ARAP1: variants seen among roughly 807,000 people sequenced by gnomAD.
ARAP1 encodes arf-GAP with Rho-GAP domain, ANK repeat and PH domain-containing protein 1.
Under a neutral mutation model 172.2 loss-of-function variants are expected in ARAP1, and 76 were observed. That is an observed-to-expected ratio of 0.44 (90% CI 0.37 to 0.53). The LOEUF is 0.53. Among genes scored for constraint, ARAP1 ranks in the 20% least tolerant of loss-of-function variants. ARAP1 has a pLI of 0.00. For synonymous variants in ARAP1, 804 were observed against 803.3 expected (o/e 1.00, Z -0.01); for missense variants, 1,686 against 1,977.5 (o/e 0.85, Z 2.80).
intron 11 of ARAP1, chr11:72,708,057 T>G (rs1856846213): frequency 6.6e-6 from 1 of 151,834 alleles, no homozygotes; most frequent in African/African-American, 2.4e-5. Flanking sequence ...AGGCCCTGGT[T>G]GAACAATAAA....
chr11:72,691,752 C>G (rs1296193996), intron 30 of ARAP1, among the ~76,000 whole-genome samples: 1 of 152,168 alleles, frequency 6.6e-6, no homozygotes, highest in Non-Finnish European at 1.5e-5. Context: ...GACCACCAGG[C>G]TTGGAACCAT....
intron 8 of ARAP1, 102 bp from the exon 9 acceptor site, chr11:72,711,243 A>G: frequency 6.5e-7 from 1 of 1,547,602 alleles, no homozygotes; most frequent in Non-Finnish European, 8.8e-7. Context: ...GCAGCTGGTT[A>G]GAGACAAGAC....
intron 30 of ARAP1, among the ~76,000 whole-genome samples, chr11:72,692,065 C>G (rs1387610359): frequency 6.6e-6 from 1 of 152,150 alleles, no homozygotes; most frequent in Non-Finnish European, 1.5e-5. Context: ...GGCCCTGTTC[C>G]CAACAGTTGG....
intron 12 of ARAP1, 79 bp from the exon 13 acceptor site, chr11:72,705,969 G>A: frequency 8.3e-6 from 12 of 1,451,296 alleles, no homozygotes; most frequent in Admixed American, 3.6e-5. Flanking sequence ...GTGTCTACTG[G>A]GACAGGCAGG....
chr11:72,712,378 G>A (rs759647983), intron 6 of ARAP1, 39 bp from the exon 7 acceptor site: 22 of 1,541,514 alleles, frequency 1.4e-5, no homozygotes, highest in Non-Finnish European at 1.9e-5. Flanking sequence ...GGGCTGAGGA[G>A]GCAAGGAGGG....
intron 1 of ARAP1, among the ~76,000 whole-genome samples, chr11:72,734,360 A>G (rs1466396078): frequency 1.3e-5 from 2 of 152,136 alleles, no homozygotes; most frequent in Admixed American, 6.5e-5. Context: ...GCCTCAAGCA[A>G]TCCTCCCACT....
In ARAP1 at chr11:72,693,541, A is replaced by C; in HGVS notation, c.3809-71T>G. On this transcript the variant is annotated intron_variant, in intron 28 of 34. Coordinates refer to ENST00000393609, the MANE Select transcript of ARAP1 (RefSeq NM_001040118.3). This position sits in a 1 kb window ranked among gnomAD's most constrained non-coding sequence, Gnocchi z 4.6. ...CCGGGGCTGGGTCCCAGGATGAAGG[A>C]AGCTGCCCCATCCTGCCCCAGCCTC... 6.4e-7 allele frequency: 1 copy of C among 1,567,292 alleles called. No homozygotes were observed.
intron 2 of ARAP1, among the ~76,000 whole-genome samples, chr11:72,731,014 C>A (rs2135577189): frequency 6.6e-6 from 1 of 152,268 alleles, no homozygotes; most frequent in South Asian, 2.1e-4. Flanking sequence ...GTAACATTCT[C>A]TCTCTGTGAA....
At chr11:72,722,056 T>C (rs1310337313) in intron 3 of ARAP1, 24 of 985,486 alleles carry the variant, frequency 2.4e-5, no homozygotes, top group Non-Finnish European at 2.9e-5. Context: ...GCTTTGCACC[T>C]GTGATTTATG....
chr11:72,742,716 G>A (rs1295699145), intron 1 of ARAP1, among the ~76,000 whole-genome samples: 2 of 152,178 alleles, frequency 1.3e-5, no homozygotes, highest in South Asian at 2.1e-4. Flanking sequence ...TGGGATTTGG[G>A]AATTCAACTA....
At position 72,710,995 on chromosome 11, in the gene ARAP1, C is replaced by G. The variant is rs377398968; in HGVS notation, c.1213+26G>C. 2 of 1,613,982 alleles carry G rather than the reference C, an allele frequency of 1.2e-6. No homozygotes were observed. The highest frequency in any genetic ancestry group is 1.7e-6 in the Non-Finnish European group (2 of 1,179,874). On this transcript the variant is annotated intron_variant, in intron 9 of 34. Coordinates refer to ENST00000393609, the MANE Select transcript of ARAP1 (RefSeq NM_001040118.3). The surrounding 1 kb of genome is among the most constrained non-coding windows in gnomAD (Gnocchi z 4.3). The stretch of plus-strand genomic sequence containing the variant: ...AGTCTTCTCTACCCTCTTCTACACA[C>G]ACACACAACACCCCACACTCCCCAC...
At position 72,696,585 on chromosome 11, in the gene ARAP1, C is replaced by T. The variant is rs186025175; in HGVS notation, c.3236G>A (p.Arg1079Gln). The T allele has an allele frequency of 1.2e-5, 19 of 1,602,712 alleles. No individual in the cohort carries two copies. The highest frequency in any genetic ancestry group is 1.7e-4 in the Middle Eastern group (1 of 6,024). The change falls in exon 23 of 35, where the codon CGG becomes CAG. Residue 1079 changes from arginine (R) to glutamine (Q), a missense_variant. Arg to Gln is a conservative substitution (Grantham distance 43). Coordinates refer to ENST00000393609, the MANE Select transcript of ARAP1 (RefSeq NM_001040118.3). The stretch of plus-strand genomic sequence containing the variant: ...GCTGATAAGGGCCTTCACTGTGGCC[C>T]GGTTGACAGGGGGCAGCCGCACCAG... ...ELLVRLPPVN[R>Q]ATVKALISHL...
chr11:72,698,968 A>T (rs1476798758), intron 18 of ARAP1, 37 bp downstream of exon 18: 1 of 1,606,936 alleles, frequency 6.2e-7, no homozygotes, highest in South Asian at 1.1e-5. Context: ...TTCCCCAGTC[A>T]GACACCCTTA....
intron 1 of ARAP1, 91 bp downstream of exon 1, chr11:72,752,237 G>C (rs1182894460): frequency 2.0e-5 from 3 of 152,364 alleles, no homozygotes; most frequent in African/African-American, 7.2e-5. Flanking sequence ...AGCAGCGCGC[G>C]GCCTCGGCGT....
rs575951588 is a variant in ARAP1 at position 72,726,623 on chromosome 11, A to G, written c.506T>C (p.Val169Ala). 1.0e-4 allele frequency: 153 copies of G among 1,507,468 alleles called. No homozygotes were observed. The highest frequency in any genetic ancestry group is 1.3e-4 in the Non-Finnish European group (148 of 1,126,802). The allele number at this position is 1,507,468 out of a possible 1,614,324, so 93.4% of individuals were successfully genotyped here. A position where few individuals can be genotyped will look rare whatever the true frequency, so the allele number is the denominator to read the frequency against. The change falls in exon 3 of 35, where the codon GTG becomes GCG. Residue 169 changes from valine (V) to alanine (A), a missense_variant. This residue lies in a region of ARAP1 where 155 missense variants were observed against 129.2 expected (regional missense o/e 1.20). Transcript: ENST00000393609. The surrounding 1 kb of genome is among the most constrained non-coding windows in gnomAD (Gnocchi z 6.5). ...PPRTGPPRLL[V>A]SLPTKEEESL... The stretch of plus-strand genomic sequence containing the variant: ...ACCCTGGGTGGCATCCACTCACCTC[A>G]CCAGCAGGCGGGGGGGTCCGGTGCG...
At chr11:72,722,196 AGTGTGTGT>A in intron 3 of ARAP1, 2 of 984,092 alleles carry the variant, frequency 2.0e-6, no homozygotes, top group Non-Finnish European at 2.4e-6. Flanking sequence ...AGAGAGAGAG[AGTGTGTGT>A]GAGTGTGTGT....
rs1856143381 is a variant in ARAP1 at position 72,695,455 on chromosome 11, G to C, written c.3508C>G (p.His1170Asp). 1 of 1,614,120 alleles carries C rather than the reference G, an allele frequency of 6.2e-7. No homozygotes were observed. Residue 1170 changes from histidine (H) to aspartate (D), a missense_variant and splice_region_variant, in exon 26 of 35, where the codon CAT (histidine) becomes GAT (aspartate). This residue lies in a region of ARAP1 where 379 missense variants were observed against 500.1 expected (regional missense o/e 0.76). Transcript: ENST00000393609. This position sits in a 1 kb window ranked among gnomAD's most constrained non-coding sequence, Gnocchi z 4.4. ...ACTGTGCAGATGAAGTCACCGGCATGCTGCAGGGAGACAGGGCTCAGCTGG... is the reference window on the plus strand; with the variant it reads ...ACTGTGCAGATGAAGTCACCGGCATCCTGCAGGGAGACAGGGCTCAGCTGG... ...RVAGTASGTQ[H>D]AGDFICTVYL...
chr11:72,695,347 T>A lies in ARAP1; in HGVS notation c.3576+40A>T. ...ATCTGAGCCTGTACCTGGCCCAGCC[T>A]GATTCTCTAGCCCCTTGGCTTCTAG... On this transcript the variant is annotated intron_variant, in intron 26 of 34. Coordinates refer to ENST00000393609, the MANE Select transcript of ARAP1 (RefSeq NM_001040118.3). This position sits in a 1 kb window ranked among gnomAD's most constrained non-coding sequence, Gnocchi z 4.4. 6.2e-7 allele frequency: 1 copy of A among 1,613,422 alleles called. No individual in the cohort carries two copies. Among genetic ancestry groups the A allele is most frequent in the Non-Finnish European group, 8.5e-7 (1 of 1,179,552 alleles).
intron 4 of ARAP1, 149 bp downstream of exon 4, chr11:72,714,003 G>C (rs2135548073): frequency 1.2e-6 from 1 of 834,050 alleles, no homozygotes; most frequent in Non-Finnish European, 1.7e-6. Context: ...ATAGCGCTCA[G>C]GGAGGCTGTG....
Sources: allele counts gnomAD v4.1 joint callset (sites outside exome capture counted in the v4.1 genomes callset), GRCh38; gene constraint gnomAD v4.1.1; regional missense constraint gnomAD v4.1.1; non-coding constraint Gnocchi (gnomAD v3.1); transcripts MANE v1.5; gene names NCBI Gene and HGNC (gene_info 2026-07-23, HGNC 2026-07-21).